Variants in HS2ST1 observed in about 807,000 individuals in gnomAD.
The protein encoded by HS2ST1 is 2-O-sulfotransferase.
A neutral mutation model predicts 42.9 loss-of-function variants in HS2ST1; 18 were observed. The ratio of observed to expected loss-of-function variants is 0.42; its 90% CI spans 0.29 to 0.62. The LOEUF (loss-of-function observed/expected upper bound fraction) is 0.62. Among genes scored for constraint, HS2ST1 ranks in the 20% least tolerant of loss-of-function variants. The probability of loss-of-function intolerance (pLI) is 0.21; values close to 1 mark genes in which losing one functional copy is unlikely to be tolerated. For synonymous variants in HS2ST1, 146 were observed against 152.9 expected, an observed-to-expected ratio of 0.95 and a Z score of 0.33; for missense variants, 334 against 433.8, an observed-to-expected ratio of 0.77 and a Z score of 2.04.
intron 1 of HS2ST1, among the ~76,000 whole-genome samples, chr1:86,972,002 TACTG>T (rs1282721537): frequency 6.6e-6 from 1 of 152,222 alleles, no homozygotes; most frequent in Non-Finnish European, 1.5e-5. Context: ...CCACATTCTA[TACTG>T]ATTTACATAG....
At chr1:87,078,250 ATTAAGAATATAGGTCAAGACACTAC>A (rs1651596616) in intron 2 of HS2ST1, among the ~76,000 whole-genome samples, 1 of 152,242 alleles carries the variant, frequency 6.6e-6, no homozygotes, top group South Asian at 2.1e-4. Context: ...AGGTTGATCT[ATTAAGAATATAGGTCAAGACACTAC>A]TGTTAGTGAG....
At chr1:87,071,729 GAAAAA>G (rs537202045) in intron 1 of HS2ST1, among the ~76,000 whole-genome samples, 1 of 107,912 alleles carries the variant, frequency 9.3e-6, no homozygotes. Context: ...CTCTGTCTCC[GAAAAA>G]AAAAAAAAAA....
rs2100644148 is a variant in HS2ST1, at chr1:87,084,176, T to C, written c.364-18T>C. ...TTTTCTTTAAATTGTATATAATGAA[T>C]GTGTTCTCCCTTTTTAGGTGCGCTT... On this transcript the variant is annotated intron_variant, in intron 2 of 6. Transcript: ENST00000370550. 1.4e-6 allele frequency: 2 copies of C among 1,461,418 alleles called. No individual in the cohort carries two copies. Among genetic ancestry groups the C allele is most frequent in the Non-Finnish European group, 9.4e-7 (1 of 1,061,066 alleles). 90.5% of individuals were successfully genotyped at this position (1,461,418 alleles called of 1,614,324 possible). A position where few individuals can be genotyped will look rare whatever the true frequency, so the allele number is the denominator to read the frequency against.
At chr1:86,949,893 C>T (rs1385837941) in intron 1 of HS2ST1, among the ~76,000 whole-genome samples, 2 of 152,164 alleles carry the variant, frequency 1.3e-5, no homozygotes, top group African/African-American at 4.8e-5. Flanking sequence ...TCAGGAGATG[C>T]AAAATCTACT....
intron 1 of HS2ST1, among the ~76,000 whole-genome samples, chr1:87,001,054 G>A (rs1050802521): frequency 6.6e-6 from 1 of 152,112 alleles, no homozygotes; most frequent in African/African-American, 2.4e-5. Flanking sequence ...TATACAAGTG[G>A]ATATAACCCT....
At chr1:87,096,025 G>A (rs1321783884) in intron 4 of HS2ST1, among the ~76,000 whole-genome samples, 1 of 148,234 alleles carries the variant, frequency 6.7e-6, no homozygotes, top group Non-Finnish European at 1.5e-5. Context: ...ACCCTGAGAA[G>A]CTAGACAGCT....
At chr1:87,045,621 A>G (rs949159642) in intron 1 of HS2ST1, 109 of 777,632 alleles carry the variant, frequency 1.4e-4, no homozygotes, top group South Asian at 6.9e-4. Context: ...GCAGTGGTCT[A>G]TTTTTCCTGA....
At chr1:87,015,437 T>C (rs1455683916) in intron 1 of HS2ST1, among the ~76,000 whole-genome samples, 1 of 151,682 alleles carries the variant, frequency 6.6e-6, no homozygotes, top group Non-Finnish European at 1.5e-5. Flanking sequence ...AAGCTCTGCT[T>C]CCCAGGTTCA....
At chr1:87,030,724 T>C (rs1490976052) in intron 1 of HS2ST1, among the ~76,000 whole-genome samples, 1 of 152,218 alleles carries the variant, frequency 6.6e-6, no homozygotes, top group African/African-American at 2.4e-5. Flanking sequence ...GCTTTCTTTC[T>C]ACTTTGTCTC....
intron 1 of HS2ST1, among the ~76,000 whole-genome samples, chr1:86,956,207 T>G (rs1647672099): frequency 6.6e-6 from 1 of 152,188 alleles, no homozygotes; most frequent in African/African-American, 2.4e-5. Flanking sequence ...ATCTGCTGCT[T>G]TAAGGAATAA....
intron 1 of HS2ST1, among the ~76,000 whole-genome samples, chr1:87,018,218 G>C (rs1649820979): frequency 6.6e-6 from 1 of 151,688 alleles, no homozygotes; most frequent in South Asian, 2.1e-4. Context: ...ACTGCCCTGG[G>C]AAAATGGAGA....
At chr1:86,959,155 C>T (rs1220570764) in intron 1 of HS2ST1, among the ~76,000 whole-genome samples, 1 of 152,152 alleles carries the variant, frequency 6.6e-6, no homozygotes, top group Non-Finnish European at 1.5e-5. Flanking sequence ...GAACATAGAT[C>T]CTTTTCTATT....
At chr1:87,104,425 T>C (rs780135215) in intron 6 of HS2ST1, 45 bp from the exon 7 acceptor site, 3 of 1,254,504 alleles carry the variant, frequency 2.4e-6, no homozygotes, top group Non-Finnish European at 3.5e-6. Context: ...TTGTGTGTTC[T>C]CCAAGAATTA....
chr1:86,987,231 C>G (rs2102227204), intron 1 of HS2ST1, among the ~76,000 whole-genome samples: 1 of 151,990 alleles, frequency 6.6e-6, no homozygotes, highest in South Asian at 2.1e-4. Context: ...TGCCTGCCGC[C>G]ACGCCGGGCT....
intron 1 of HS2ST1, among the ~76,000 whole-genome samples, chr1:87,021,512 G>A (rs1274834344): frequency 6.6e-6 from 1 of 152,068 alleles, no homozygotes; most frequent in Non-Finnish European, 1.5e-5. Context: ...ATTGGTGGTG[G>A]TGGTGTTATT....
intron 1 of HS2ST1, among the ~76,000 whole-genome samples, chr1:87,009,631 C>T (rs529000842): frequency 6.6e-6 from 1 of 152,162 alleles, no homozygotes; most frequent in Non-Finnish European, 1.5e-5. Context: ...TATTTGTTCT[C>T]GTTTACTGTG....
chr1:86,917,294 G>A (rs1317321769), intron 1 of HS2ST1, among the ~76,000 whole-genome samples: 6 of 152,104 alleles, frequency 3.9e-5, no homozygotes, highest in African/African-American at 1.2e-4. Context: ...CGAGGCCGGC[G>A]GATCATTTGA....
intron 1 of HS2ST1, among the ~76,000 whole-genome samples, chr1:86,945,006 T>C (rs1471382022): frequency 6.6e-6 from 1 of 152,128 alleles, no homozygotes; most frequent in African/African-American, 2.4e-5. Context: ...GAAACTAGTG[T>C]GTATTATCTC....
In HS2ST1 at chr1:87,002,898, G is replaced by T. The variant is rs543809730; in HGVS notation, c.125-70036G>T. On this transcript the variant is annotated intron_variant, in intron 1 of 6. Transcript: ENST00000370550. The stretch of plus-strand genomic sequence containing the variant: ...GAACAATGGCTCTTGCAACTTTTTA[G>T]CAGTGGAACTATTTAATTAAAATCT... Among the ~76,000 whole-genome samples the T allele has an allele frequency of 3.9e-5, 6 of 152,260 alleles. No individual in the cohort carries two copies. In the South Asian group the frequency reaches 1.2e-3, roughly 32 times the overall value.
Sources: allele counts gnomAD v4.1 joint callset (sites outside exome capture counted in the v4.1 genomes callset), GRCh38; gene constraint gnomAD v4.1.1; transcripts MANE v1.5; gene names NCBI Gene and HGNC (gene_info 2026-07-23, HGNC 2026-07-21).